GPR35: variants seen among roughly 807,000 people sequenced by gnomAD.
GPR35 encodes G protein-coupled receptor 35.
For synonymous variants in GPR35, 207 were observed against 198.4 expected, an observed-to-expected ratio of 1.04 and a Z score of -0.36; for missense variants, 372 against 422.5, an observed-to-expected ratio of 0.88 and a Z score of 1.05.
At chr2:240,609,816 A>G (rs1258850221) in intron 2 of GPR35, among the ~76,000 whole-genome samples, 1 of 152,206 alleles carries the variant, frequency 6.6e-6, no homozygotes, top group Non-Finnish European at 1.5e-5. Flanking sequence ...GGGTGTCATA[A>G]TAACCGATCA....
At chr2:240,612,738 G>A (rs528061459) in intron 2 of GPR35, among the ~76,000 whole-genome samples, 7 of 152,356 alleles carry the variant, frequency 4.6e-5, no homozygotes, top group African/African-American at 1.4e-4. Flanking sequence ...GCGGGGCCTC[G>A]GGAGGAGGCA....
exon 1 of GPR35, chr2:240,605,435 A>C (rs7565704): frequency 0.14 from 21,873 of 152,214 alleles, 2,625 homozygotes; most frequent in African/African-American, 0.33. Flanking sequence ...TCCTTCCTTT[A>C]GTCACTTCCA....
Position 240,630,749 on chromosome 2 carries a change from A to G in GPR35, c.797A>G (p.Asp266Gly). The change falls in exon 2 of 2, where the codon GAT (aspartate) becomes GGT (glycine). Residue 266 changes from aspartate to glycine, a missense_variant. Coordinates refer to ENST00000407714, the MANE Select transcript of GPR35 (RefSeq NM_005301.5). Reference sequence around the variant, plus strand: ...CTGTACATAACCAGCAAGCTCTCAGATGCCAACTGCTGCCTGGACGCCATC... The same window carrying G: ...CTGTACATAACCAGCAAGCTCTCAGGTGCCAACTGCTGCCTGGACGCCATC... ...RALYITSKLS[D>G]ANCCLDAICY... The G allele has an allele frequency of 6.2e-7, 1 of 1,613,534 alleles. No individual in the cohort carries two copies. Among genetic ancestry groups the G allele is most frequent in the Non-Finnish European group, 8.5e-7 (1 of 1,180,018 alleles).
upstream of GPR35, among the ~76,000 whole-genome samples, chr2:240,624,753 G>A (rs939098592): frequency 9.2e-5 from 14 of 152,234 alleles, no homozygotes; most frequent in South Asian, 2.1e-4. Context: ...CCATGGGGGC[G>A]CAGCCTGGGC....
intron 2 of GPR35, among the ~76,000 whole-genome samples, chr2:240,609,466 C>T (rs938474624): frequency 6.6e-6 from 1 of 152,112 alleles, no homozygotes; most frequent in African/African-American, 2.4e-5. Flanking sequence ...CTTCTTTGAT[C>T]CCTGAGTTAT....
At chr2:240,618,919 A>G in exon 5 of GPR35, 1 of 701,088 alleles carries the variant, frequency 1.4e-6, no homozygotes, top group East Asian at 2.7e-5. Context: ...AACACGCTTC[A>G]TTCAACCTGG....
At position 240,632,719 on chromosome 2, in the gene GPR35, A is replaced by G. The variant is rs919524342; in HGVS notation, c.*1837A>G. On this transcript the variant is annotated 3_prime_UTR_variant, in exon 2 of 2. Transcript: ENST00000407714. The stretch of plus-strand genomic sequence containing the variant: ...GAGATCCTCATGCCCAGGAAGGCCC[A>G]TGCCCAGGAGGGTCCATGCCCAGGC... Among the ~76,000 whole-genome samples the G allele has an allele frequency of 6.6e-6, 1 of 150,912 alleles. No individual in the cohort carries two copies. The highest frequency in any genetic ancestry group is 2.4e-5 in the African/African-American group (1 of 40,920).
chr2:240,616,282 G>A (rs778345567), intron 2 of GPR35: 17 of 644,690 alleles, frequency 2.6e-5, no homozygotes, highest in Non-Finnish European at 4.7e-5. Flanking sequence ...AACCTCGACA[G>A]CAGTGGCTCC....
intron 2 of GPR35, among the ~76,000 whole-genome samples, chr2:240,607,035 G>A (rs1456445929): frequency 1.3e-5 from 2 of 152,178 alleles, no homozygotes; most frequent in Non-Finnish European, 2.9e-5. Flanking sequence ...ATAGGCTAGT[G>A]TTGACATATA....
At chr2:240,620,433 G>T (rs1026465920) in intron 5 of GPR35, among the ~76,000 whole-genome samples, 1 of 152,152 alleles carries the variant, frequency 6.6e-6, no homozygotes, top group Non-Finnish European at 1.5e-5. Context: ...AGAGCTGGAG[G>T]CTCCACTGTG....
At chr2:240,621,575 A>C (rs1171787272), upstream of GPR35, among the ~76,000 whole-genome samples, 1 of 152,172 alleles carries the variant, frequency 6.6e-6, no homozygotes, top group Non-Finnish European at 1.5e-5. Flanking sequence ...TAGTAAACCA[A>C]AACTATGCAA....
intron 2 of GPR35, among the ~76,000 whole-genome samples, chr2:240,611,112 GTTTGTT>G (rs776094478): frequency 1.3e-5 from 2 of 151,576 alleles, no homozygotes; most frequent in Non-Finnish European, 2.9e-5. Context: ...TTTTTTGTTT[GTTTGTT>G]TTTGTTTTTG....
intron 3 of GPR35, among the ~76,000 whole-genome samples, chr2:240,616,685 A>G (rs1305411014): frequency 1.4e-5 from 2 of 145,732 alleles, no homozygotes; most frequent in South Asian, 2.2e-4. Flanking sequence ...TCCTGCTGTC[A>G]TGCAATTCCC....
chr2:240,605,955 C>T (rs2043128790), intron 1 of GPR35, among the ~76,000 whole-genome samples: 1 of 152,176 alleles, frequency 6.6e-6, no homozygotes, highest in Non-Finnish European at 1.5e-5. Flanking sequence ...CTTTGGCAGG[C>T]AGGCTGACCT....
intron 2 of GPR35, among the ~76,000 whole-genome samples, chr2:240,613,693 AACTC>A (rs1194323864): frequency 2.0e-5 from 3 of 151,894 alleles, no homozygotes; most frequent in African/African-American, 7.3e-5. Context: ...CCATAACACT[AACTC>A]CACCCTATTC....
At chr2:240,612,226 C>A (rs946165993) in intron 2 of GPR35, among the ~76,000 whole-genome samples, 1 of 150,346 alleles carries the variant, frequency 6.7e-6, no homozygotes, top group Non-Finnish European at 1.5e-5. Context: ...GTGAGGAGAT[C>A]GAGACCGTCC....
chr2:240,618,959 G>A (rs760910190), exon 5 of GPR35: 71 of 702,552 alleles, frequency 1.0e-4, no homozygotes, highest in African/African-American at 1.7e-4. Context: ...AGTGGTTCCC[G>A]GGCTGTCCCC....
chr2:240,610,657 G>C (rs1357489359), intron 2 of GPR35, among the ~76,000 whole-genome samples: 1 of 151,386 alleles, frequency 6.6e-6, no homozygotes, highest in African/African-American at 2.4e-5. Flanking sequence ...CTTTTTTTGA[G>C]ACAGTCTTGG....
At chr2:240,618,197 C>G (rs1471787955) in intron 4 of GPR35, among the ~76,000 whole-genome samples, 1 of 152,150 alleles carries the variant, frequency 6.6e-6, no homozygotes, top group Non-Finnish European at 1.5e-5. Flanking sequence ...CCAAAAATCT[C>G]AAACAATACC....
Sources: gnomAD v4.1 joint callset for allele counts (sites outside exome capture counted in the v4.1 genomes callset) on GRCh38, gnomAD v4.1.1 for gene constraint, MANE v1.5 for transcripts, NCBI Gene and HGNC (gene_info 2026-07-23, HGNC 2026-07-21) for gene names.